The following RCCD1 variants were observed in gnomAD, a reference collection of about 807,000 sequenced individuals.
RCCD1 encodes RCC1 domain containing 1.
In RCCD1, 40 loss-of-function variants were observed where a neutral mutation model predicts 37.6. The observed-to-expected ratio is 1.06, with a 90% confidence interval of 0.83 to 1.39. The LOEUF (loss-of-function observed/expected upper bound fraction) is 1.39, where lower values mean the gene tolerates loss of function less well. Ranked by LOEUF, RCCD1 falls within the 40% of genes most tolerant of loss-of-function variation. The pLI, the probability that RCCD1 is intolerant of heterozygous loss-of-function variation, is 0.00. For missense variants in RCCD1, 577 were observed against 517.3 expected (o/e 1.12, Z -1.12); for synonymous variants, 263 against 230.0 (o/e 1.14, Z -1.30).
intron 4 of RCCD1, among the ~76,000 whole-genome samples, chr15:90,959,155 T>C (rs1023705385): frequency 6.6e-6 from 1 of 152,132 alleles, no homozygotes; most frequent in South Asian, 2.1e-4. Flanking sequence ...CTTAACCCCC[T>C]CTGTGCCTCA....
chr15:90,958,905 G>A (rs1186118905), intron 4 of RCCD1, among the ~76,000 whole-genome samples: 1 of 144,286 alleles, frequency 6.9e-6, no homozygotes, highest in Non-Finnish European at 1.5e-5. Context: ...CTGCACTCCA[G>A]TCTGAGTGAC....
intron 4 of RCCD1, 101 bp downstream of exon 4, chr15:90,957,826 A>G (rs556948739): frequency 9.6e-6 from 14 of 1,456,174 alleles, no homozygotes; most frequent in Non-Finnish European, 1.3e-5. Context: ...CTCCTTCCAA[A>G]TTCATCCATC....
chr15:90,960,853 C>T (rs1229010329), intron 6 of RCCD1, 172 bp from the exon 7 acceptor site: 12 of 723,174 alleles, frequency 1.7e-5, no homozygotes, highest in Admixed American at 8.4e-5. Context: ...CCCTCGGGAT[C>T]CTCTGCCATG....
intron 1 of RCCD1, chr15:90,955,942 A>T (rs1265589122): frequency 6.6e-6 from 1 of 152,056 alleles, no homozygotes; most frequent in Non-Finnish European, 1.5e-5. Context: ...TCCAGGGATA[A>T]TTTTTTTGTC....
In RCCD1 at chr15:90,961,970, A is replaced by C; in HGVS notation, c.*201A>C. ...AACTCTGCTGCCTAAGGTCAGCATC[A>C]ATCAAAACAATGAAATCAATGAAAC... On this transcript the variant is annotated 3_prime_UTR_variant, in exon 8 of 8. Coordinates refer to ENST00000394258, the MANE Select transcript of RCCD1 (RefSeq NM_001017919.2). 2 of 411,410 alleles carry C rather than the reference A, an allele frequency of 4.9e-6. No individual in the cohort carries two copies. The highest frequency in any genetic ancestry group is 8.7e-6 in the Non-Finnish European group (2 of 230,514). 25.5% of individuals were successfully genotyped at this position (411,410 alleles called of 1,614,324 possible).
At position 90,957,477 on chromosome 15, in the gene RCCD1, C is replaced by T. The variant is rs780549956; in HGVS notation, c.531C>T (p.Gly177=). ...ACGCGTTGCTGCTGGACGCTGCTGGCCAGGTGTTCTCCTGGGGCGGGGGCA... is the reference window on the plus strand; with the variant it reads ...ACGCGTTGCTGCTGGACGCTGCTGGTCAGGTGTTCTCCTGGGGCGGGGGCA... ...AEHALLLDAA[G]QVFSWGGGRH... The change falls in exon 3 of 8, where the codon GGC becomes GGT. Residue 177 remains glycine, a synonymous_variant. Coordinates refer to ENST00000394258, the MANE Select transcript of RCCD1 (RefSeq NM_001017919.2). The T allele has an allele frequency of 6.5e-7, 1 of 1,548,436 alleles. No individual in the cohort carries two copies. The highest frequency in any genetic ancestry group is 1.4e-5 in the African/African-American group (1 of 73,762).
At position 90,956,734 on chromosome 15, in the gene RCCD1, C is replaced by T. The variant is rs1378798444; in HGVS notation, c.-1C>T. ...CGGCCGGCAGAGGGCGCTGCTCGGG[C>T]ATGGCGGAGGAGCGGCCGGGGGCCT... On this transcript the variant is annotated 5_prime_UTR_variant, in exon 2 of 8. Coordinates refer to ENST00000394258, the MANE Select transcript of RCCD1 (RefSeq NM_001017919.2). 1 of 1,304,744 alleles carries T rather than the reference C, an allele frequency of 7.7e-7. No individual in the cohort carries two copies. The highest frequency in any genetic ancestry group is 2.7e-5 in the South Asian group (1 of 37,714). 80.8% of individuals were successfully genotyped at this position (1,304,744 alleles called of 1,614,324 possible).
Position 90,956,622 on chromosome 15 carries a change from T to C in RCCD1, c.-113T>C. 9.9e-7 allele frequency: 1 copy of C among 1,010,016 alleles called. No individual in the cohort carries two copies. The highest frequency in any genetic ancestry group is 3.6e-4 in the Middle Eastern group (1 of 2,776). The allele number at this position is 1,010,016 out of a possible 1,614,324, so 62.6% of individuals were successfully genotyped here. A position where few individuals can be genotyped will look rare whatever the true frequency, so the allele number is the denominator to read the frequency against. On this transcript the variant is annotated 5_prime_UTR_variant, in exon 2 of 8. Transcript: ENST00000394258. The stretch of plus-strand genomic sequence containing the variant: ...TTCTCCATTTTACAGATAAGGCAGC[T>C]CCAGCCCCTGGAAGGCCAGAGACTT...
chr15:90,959,984 C>T lies in RCCD1; in HGVS notation c.764C>T (p.Thr255Ile). 2.5e-6 allele frequency: 4 copies of T among 1,613,026 alleles called. No homozygotes were observed. The highest frequency in any genetic ancestry group is 3.4e-6 in the Non-Finnish European group (4 of 1,179,540). Residue 255 changes from threonine (T) to isoleucine (I), a missense_variant, in exon 5 of 8, where the codon ACT becomes ATT. By Grantham distance (89) the Thr-to-Ile change is moderately conservative (BLOSUM62 -1). Transcript: ENST00000394258. ...PTRNLAEDGE[T>I]VAREATELNE... ...AGGAACCTGGCAGAGGATGGAGAGA[C>T]TGTCGCAAGGGAAGGTGAGGGTCAT...
At chr15:90,955,715 A>C (rs1567167089) in intron 1 of RCCD1, 1 of 132,112 alleles carries the variant, frequency 7.6e-6, no homozygotes, top group Non-Finnish European at 1.5e-5. Context: ...AAAAAAAAAA[A>C]ACAAACCCGC....
In RCCD1 at chr15:90,956,788, G is replaced by A; in HGVS notation, c.54G>A (p.Gly18=). The part of the protein sequence containing the change: ...AWFGFGFCGF[G]QELGSGRGRQ... ...TCGGCTTCGGTTTCTGCGGCTTCGG[G>A]CAGGAGCTGGGCTCCGGACGCGGGC... is the stretch of plus-strand genomic sequence containing the variant. The change falls in exon 2 of 8, where the codon GGG becomes GGA. Residue 18 remains glycine (G), a synonymous_variant. Coordinates refer to ENST00000394258, the MANE Select transcript of RCCD1 (RefSeq NM_001017919.2). The A allele has an allele frequency of 7.5e-7, 1 of 1,329,958 alleles. No individual in the cohort carries two copies. Among genetic ancestry groups the A allele is most frequent in the Non-Finnish European group, 9.6e-7 (1 of 1,039,752 alleles). The allele number at this position is 1,329,958 out of a possible 1,614,324, so 82.4% of individuals were successfully genotyped here. A position where few individuals can be genotyped will look rare whatever the true frequency, so the allele number is the denominator to read the frequency against.
In RCCD1 at chr15:90,956,754, G is replaced by C; in HGVS notation, c.20G>C (p.Gly7Ala). MAEERP[G>A]AWFGFGFCGF... is the part of the protein sequence containing the mutation. Reference sequence around the variant, plus strand: ...TCGGGCATGGCGGAGGAGCGGCCGGGGGCCTGGTTCGGCTTCGGTTTCTGC... The same window carrying C: ...TCGGGCATGGCGGAGGAGCGGCCGGCGGCCTGGTTCGGCTTCGGTTTCTGC... Residue 7 changes from glycine (G) to alanine (A), a missense_variant, in exon 2 of 8, where the codon GGG becomes GCG. Physicochemically the swap from Gly to Ala is moderately conservative, Grantham distance 60. Transcript: ENST00000394258. The C allele has an allele frequency of 2.3e-6, 3 of 1,325,080 alleles. No homozygotes were observed. The highest frequency in any genetic ancestry group is 2.9e-6 in the Non-Finnish European group (3 of 1,037,444). 82.1% of individuals were successfully genotyped at this position (1,325,080 alleles called of 1,614,324 possible).
rs753254187 is a variant in RCCD1, at chr15:90,961,787, A to G, written c.*18A>G. 9 of 1,607,274 alleles carry G rather than the reference A, an allele frequency of 5.6e-6. No individual in the cohort carries two copies. Among genetic ancestry groups the G allele is most frequent in the Non-Finnish European group, 7.7e-6 (9 of 1,175,680 alleles). ...AGAGCTGACATGTGTACGTATATGT[A>G]TATGCAACACCTGTGAGACCCCCAT... On this transcript the variant is annotated 3_prime_UTR_variant, in exon 8 of 8. Coordinates refer to ENST00000394258, the MANE Select transcript of RCCD1 (RefSeq NM_001017919.2).
At chr15:90,956,964 G>A (rs913655484) in intron 2 of RCCD1, 64 bp downstream of exon 2, 40 of 1,279,906 alleles carry the variant, frequency 3.1e-5, no homozygotes, top group Admixed American at 4.1e-5. Context: ...TCCCCGCACC[G>A]CTGTGGCCAG....
chr15:90,955,718 AAAC>A, intron 1 of RCCD1: 1 of 118,898 alleles, frequency 8.4e-6, no homozygotes, highest in African/African-American at 6.5e-5. Flanking sequence ...AAAAAAAAAC[AAAC>A]CCGCTCCAGC....
At chr15:90,957,022 G>A in intron 2 of RCCD1, 91 bp from the exon 3 acceptor site, 3 of 1,286,342 alleles carry the variant, frequency 2.3e-6, no homozygotes, top group Non-Finnish European at 2.0e-6. Flanking sequence ...ATTCTGGGTT[G>A]GTCCCCAATT....
intron 4 of RCCD1, 69 bp from the exon 5 acceptor site, chr15:90,959,831 G>C (rs2037277019): frequency 8.1e-7 from 1 of 1,237,864 alleles, no homozygotes; most frequent in Admixed American, 1.9e-5. Context: ...CGGATGCGAT[G>C]GGGAGGAGAG....
intron 4 of RCCD1, among the ~76,000 whole-genome samples, chr15:90,958,507 A>G (rs999576910): frequency 6.6e-6 from 1 of 151,654 alleles, no homozygotes; most frequent in African/African-American, 2.4e-5. Flanking sequence ...GTGCGCCTGT[A>G]GTCCTGGCTA....
rs1405198473 is a variant in RCCD1 at position 90,957,456 on chromosome 15, G to A, written c.510G>A (p.Ala170=). Residue 170 remains alanine, a synonymous_variant, in exon 3 of 8, where the codon GCG becomes GCA. Transcript: ENST00000394258. The part of the protein sequence containing the change: ...ARQLELGAEH[A]LLLDAAGQVF... The stretch of plus-strand genomic sequence containing the variant: ...AGCTGGAGCTGGGCGCCGAGCACGC[G>A]TTGCTGCTGGACGCTGCTGGCCAGG... 6 of 1,541,458 alleles carry A rather than the reference G, an allele frequency of 3.9e-6. No individual in the cohort carries two copies. The Admixed American group carries it at 7.8e-5, about 20-fold the overall frequency.
Sources: gnomAD v4.1 joint callset for allele counts (sites outside exome capture counted in the v4.1 genomes callset) on GRCh38, gnomAD v4.1.1 for gene constraint, MANE v1.5 for transcripts, NCBI Gene and HGNC (gene_info 2026-07-23, HGNC 2026-07-21) for gene names.